Variants in KAZN observed in about 807,000 individuals in gnomAD.
The protein encoded by KAZN is kazrin.
A neutral mutation model predicts 87.4 loss-of-function variants in KAZN; 40 were observed. The observed-to-expected ratio is 0.46, with a 90% CI of 0.36 to 0.60. The LOEUF is 0.60. Ranked by LOEUF, KAZN falls within the 20% of genes least tolerant of loss-of-function variation. The pLI is 0.00. For missense variants in KAZN, 898 were observed against 1,073.9 expected, an observed-to-expected ratio of 0.84 and a Z score of 2.29; for synonymous variants, 466 against 458.3, an observed-to-expected ratio of 1.02 and a Z score of -0.22.
At chr1:14,800,112 A>T (rs1381478821) in intron 1 of KAZN, among the ~76,000 whole-genome samples, 4 of 152,140 alleles carry the variant, frequency 2.6e-5, no homozygotes, top group Admixed American at 2.6e-4. Flanking sequence ...GACAGCAGAG[A>T]TTTACGGGAG....
chr1:14,285,044 C>G (rs1341980907), intron 2 of KAZN, among the ~76,000 whole-genome samples: 2 of 152,192 alleles, frequency 1.3e-5, no homozygotes, highest in Admixed American at 6.5e-5. Context: ...TGCAACAACA[C>G]TAAATACTCA....
chr1:14,627,492 A>G (rs761340082), intron 1 of KAZN, among the ~76,000 whole-genome samples: 2 of 152,076 alleles, frequency 1.3e-5, no homozygotes, highest in African/African-American at 4.8e-5. Flanking sequence ...CTCACTCAGG[A>G]CTTAAAAGGC....
Position 14,622,621 on chromosome 1 carries a change from G to A in KAZN, c.226+23398G>A, listed in dbSNP as rs559090713. Reference sequence around the variant, plus strand: ...CAGGAGAATGGCATGAACCTGGGGGGCGGAGCTTGCAGGGAGCGGAGATCG... The same window carrying A: ...CAGGAGAATGGCATGAACCTGGGGGACGGAGCTTGCAGGGAGCGGAGATCG... On this transcript the variant is annotated intron_variant, in intron 1 of 14. Coordinates refer to ENST00000376030, the MANE Select transcript of KAZN (RefSeq NM_201628.3). Among the ~76,000 whole-genome samples, 52 of 149,766 alleles carry A rather than the reference G, an allele frequency of 3.5e-4. 1 individual carries two copies. The South Asian group carries it at 0.01, about 29-fold the overall frequency.
intron 1 of KAZN, among the ~76,000 whole-genome samples, chr1:14,801,765 G>C (rs1646034873): frequency 6.6e-6 from 1 of 151,296 alleles, no homozygotes; most frequent in African/African-American, 2.4e-5. Context: ...CTCACTGCAA[G>C]CTCTGCCTCC....
chr1:15,048,599 CGGTCCTGGGTCGCT>C (rs1228820438), intron 4 of KAZN, among the ~76,000 whole-genome samples: 8,135 of 123,986 alleles, frequency 0.066, 971 homozygotes, highest in African/African-American at 0.23. Context: ...CCTGGGTCGT[CGGTCCTGGGTCGCT>C]GGTCCTGGGT....
intron 2 of KAZN, among the ~76,000 whole-genome samples, chr1:14,231,831 T>C (rs637709): frequency 6.6e-6 from 1 of 152,200 alleles, no homozygotes; most frequent in African/African-American, 2.4e-5. Context: ...TTCATAGAAA[T>C]TCTAAACAGG....
At chr1:14,777,418 G>A (rs890225564) in intron 1 of KAZN, among the ~76,000 whole-genome samples, 1 of 152,156 alleles carries the variant, frequency 6.6e-6, no homozygotes, top group African/African-American at 2.4e-5. Context: ...GTGCCCTTGC[G>A]TATAAGCACC....
intron 2 of KAZN, among the ~76,000 whole-genome samples, chr1:14,194,791 G>A (rs1646492680): frequency 1.3e-5 from 2 of 152,086 alleles, no homozygotes; most frequent in African/African-American, 4.8e-5. Context: ...GAGGGGAGGG[G>A]GACATGAGCC....
At chr1:14,778,023 C>CT (rs1265310253) in intron 1 of KAZN, among the ~76,000 whole-genome samples, 1 of 152,164 alleles carries the variant, frequency 6.6e-6, no homozygotes, top group Non-Finnish European at 1.5e-5. Flanking sequence ...TTACTACAAA[C>CT]TGTTTTATCA....
chr1:15,054,609 G>A (rs964383097), intron 4 of KAZN, among the ~76,000 whole-genome samples: 1 of 150,350 alleles, frequency 6.7e-6, no homozygotes, highest in South Asian at 2.1e-4. Context: ...CCGAGATCGC[G>A]CCACTGCACT....
intron 1 of KAZN, among the ~76,000 whole-genome samples, chr1:14,758,841 A>C: frequency 6.6e-6 from 1 of 151,972 alleles, no homozygotes; most frequent in East Asian, 1.9e-4. Context: ...TGATGAAAAG[A>C]TCTGGCTTTG....
intron 8 of KAZN, among the ~76,000 whole-genome samples, chr1:15,084,928 C>T (rs112678412): frequency 5.9e-5 from 9 of 152,186 alleles, no homozygotes; most frequent in African/African-American, 2.2e-4. Context: ...ATACTAAATA[C>T]TATGCATAAA....
intron 1 of KAZN, among the ~76,000 whole-genome samples, chr1:13,994,160 T>G (rs1276244933): frequency 6.6e-6 from 1 of 152,204 alleles, no homozygotes; most frequent in Non-Finnish European, 1.5e-5. Context: ...TATAAACCCA[T>G]GTGTGCTGTG....
intron 1 of KAZN, among the ~76,000 whole-genome samples, chr1:14,647,540 G>A (rs755169275): frequency 1.3e-5 from 2 of 152,144 alleles, no homozygotes; most frequent in South Asian, 2.1e-4. Context: ...AGGACAGAGG[G>A]TTGCAGACTC....
chr1:14,977,269 A>C (rs1572965745), intron 2 of KAZN, among the ~76,000 whole-genome samples: 1 of 152,182 alleles, frequency 6.6e-6, no homozygotes, highest in Non-Finnish European at 1.5e-5. Flanking sequence ...GTGAGTAAGC[A>C]AGGCTGGGAA....
chr1:14,013,066 G>A (rs566037562), intron 1 of KAZN, among the ~76,000 whole-genome samples: 23 of 152,264 alleles, frequency 1.5e-4, no homozygotes, highest in African/African-American at 5.5e-4. Context: ...CTCTTCAGAT[G>A]TTTAAAGATG....
chr1:14,926,537 T>G (rs149040729), intron 1 of KAZN, among the ~76,000 whole-genome samples: 1 of 152,198 alleles, frequency 6.6e-6, no homozygotes, highest in East Asian at 1.9e-4. Context: ...AACCAGAAAG[T>G]TTTGAGTTTT....
intron 1 of KAZN, among the ~76,000 whole-genome samples, chr1:14,035,898 T>G (rs959344010): frequency 2.0e-5 from 3 of 152,224 alleles, no homozygotes; most frequent in Non-Finnish European, 4.4e-5. Context: ...AAAGAAGTCT[T>G]CAATATATTT....
chr1:15,101,856 A>G, intron 11 of KAZN, 82 bp downstream of exon 11: 1 of 864,124 alleles, frequency 1.2e-6, no homozygotes, highest in Non-Finnish European at 1.9e-6. Flanking sequence ...TCATCTGTCC[A>G]CCCACTACCC....
Sources: allele counts gnomAD v4.1 joint callset (sites outside exome capture counted in the v4.1 genomes callset), GRCh38; gene constraint gnomAD v4.1.1; transcripts MANE v1.5; gene names NCBI Gene and HGNC (gene_info 2026-07-23, HGNC 2026-07-21).